The following CNDP1 variants were observed in gnomAD, a reference collection of about 807,000 sequenced individuals.
The protein encoded by CNDP1 is beta-Ala-His dipeptidase.
In CNDP1, 44 loss-of-function variants were observed where a neutral mutation model predicts 58.1. The ratio of observed to expected loss-of-function variants is 0.76; its 90% CI spans 0.60 to 0.97. The LOEUF (loss-of-function observed/expected upper bound fraction) is 0.97. Among genes scored for constraint, CNDP1 ranks in the 50% least tolerant of loss-of-function variants. CNDP1 has a pLI of 0.00. For missense variants in CNDP1, 616 were observed against 655.1 expected (o/e 0.94, Z 0.65); for synonymous variants, 254 against 252.6 (o/e 1.01, Z -0.05).
Position 74,579,182 on chromosome 18 carries a change from TC to T in CNDP1, c.1167+858del, listed in dbSNP as rs1568300926. Among the ~76,000 whole-genome samples the T allele has an allele frequency of 1.3e-3, 103 of 79,542 alleles. 1 individual carries two copies. Among genetic ancestry groups the T allele is most frequent in the South Asian group, 2.9e-3 (5 of 1,742 alleles). 52.2% of individuals were successfully genotyped at this position (79,542 alleles called of 152,430 possible). ...TCCTCCCTCTCTCCCTTCTCCCTTC[TC>T]CCTTTCCTTCCCTTCCCTTGCCTTC... On this transcript the variant is annotated intron_variant, in intron 9 of 11. Transcript: ENST00000358821.
intron 10 of CNDP1, among the ~76,000 whole-genome samples, chr18:74,580,924 A>G (rs765509922): frequency 2.6e-5 from 4 of 152,238 alleles, no homozygotes; most frequent in Non-Finnish European, 4.4e-5. Flanking sequence ...AGCTATGATC[A>G]TGCCACTGCC....
intron 8 of CNDP1, chr18:74,577,413 C>T (rs1981661656): frequency 6.3e-6 from 1 of 159,212 alleles, no homozygotes; most frequent in Non-Finnish European, 1.4e-5. Flanking sequence ...GTTCATTTTT[C>T]CAGACAAAAC....
chr18:74,560,202 C>G (rs1974964), intron 3 of CNDP1, among the ~76,000 whole-genome samples: 34,178 of 151,620 alleles, frequency 0.23, 4,145 homozygotes, highest in African/African-American at 0.31. Context: ...TTTTATTAGA[C>G]ACAGGGTTTC....
intron 5 of CNDP1, among the ~76,000 whole-genome samples, chr18:74,563,433 C>T (rs77839131): frequency 0.023 from 3,522 of 152,160 alleles, 136 homozygotes; most frequent in African/African-American, 0.08. Context: ...TAAGATTGTT[C>T]TGATAAAAAG....
intron 2 of CNDP1, 41 bp from the exon 3 acceptor site, chr18:74,559,282 T>C (rs779679980): frequency 8.7e-6 from 14 of 1,611,520 alleles, no homozygotes; most frequent in Non-Finnish European, 1.2e-5. Context: ...AGAGCAGATG[T>C]GGGACCCCAA....
intron 5 of CNDP1, 138 bp downstream of exon 5, chr18:74,562,273 T>A (rs1025898602): frequency 2.1e-4 from 150 of 728,830 alleles, no homozygotes; most frequent in South Asian, 4.8e-5. Flanking sequence ...TGTGCGACAA[T>A]GGTATCCATT....
At chr18:74,580,084 G>A (rs750078630) in intron 9 of CNDP1, 46 bp from the exon 10 acceptor site, 47 of 1,559,800 alleles carry the variant, frequency 3.0e-5, no homozygotes, top group Admixed American at 2.1e-4. Flanking sequence ...CTGTATGAGA[G>A]AATAACTTGA....
At chr18:74,579,134 C>T (rs978759989) in intron 9 of CNDP1, among the ~76,000 whole-genome samples, 2 of 150,064 alleles carry the variant, frequency 1.3e-5, no homozygotes, top group African/African-American at 2.5e-5. Flanking sequence ...TTCCTTCCTT[C>T]CCTGCCTCTC....
chr18:74,541,663 G>A lies in CNDP1; in HGVS notation c.24+6972G>A, dbSNP rs1980627284. Among the ~76,000 whole-genome samples, 2 of 152,188 alleles carry A rather than the reference G, an allele frequency of 1.3e-5. 1 individual carries two copies. The highest frequency in any genetic ancestry group is 4.1e-4 in the South Asian group (2 of 4,832). On this transcript the variant is annotated intron_variant, in intron 1 of 11. Transcript: ENST00000358821. ...GGCAGGCAGCAGCAAGGCTGGAGCAGGGGACCTGAGCCCTGAGGTCCTCCC... is the reference window on the plus strand; with the variant it reads ...GGCAGGCAGCAGCAAGGCTGGAGCAAGGGACCTGAGCCCTGAGGTCCTCCC...
At chr18:74,573,094 A>G (rs550442169) in intron 7 of CNDP1, among the ~76,000 whole-genome samples, 1 of 152,132 alleles carries the variant, frequency 6.6e-6, no homozygotes, top group South Asian at 2.1e-4. Context: ...TCCATCTATT[A>G]TCTATCCATC....
At chr18:74,579,198 C>CCCTTG (rs1190033745) in intron 9 of CNDP1, among the ~76,000 whole-genome samples, 8,003 of 110,120 alleles carry the variant, frequency 0.073, 321 homozygotes, top group Middle Eastern at 0.14. Context: ...TCCTTCCCTT[C>CCCTTG]CCTTGCCTTC....
chr18:74,560,748 AT>A, intron 3 of CNDP1, 107 bp from the exon 4 acceptor site: 1 of 1,006,088 alleles, frequency 9.9e-7, no homozygotes, highest in African/African-American at 1.6e-5. Flanking sequence ...GGAGAAACTG[AT>A]GCTCAGTTTC....
intron 1 of CNDP1, among the ~76,000 whole-genome samples, chr18:74,543,441 G>A (rs575050740): frequency 1.1e-3 from 170 of 151,972 alleles, no homozygotes; most frequent in African/African-American, 3.6e-3. Flanking sequence ...AGCAGTGAAC[G>A]ATGATCACAC....
At position 74,545,725 on chromosome 18, in the gene CNDP1, G is replaced by A. The variant is rs1980742837; in HGVS notation, c.25-10613G>A. Among the ~76,000 whole-genome samples, 1 of 152,120 alleles carries A rather than the reference G, an allele frequency of 6.6e-6. No homozygotes were observed. The highest frequency in any genetic ancestry group is 2.1e-4 in the South Asian group (1 of 4,832). On this transcript the variant is annotated intron_variant, in intron 1 of 11. Coordinates refer to ENST00000358821, the MANE Select transcript of CNDP1 (RefSeq NM_032649.6). The surrounding 1 kb of genome is among the most constrained non-coding windows in gnomAD (Gnocchi z 4.1). ...ACGTGCTGCCCCCTGAGATTGTACA[G>A]TCTCCCCTGCAGGTATTCTGTAAAT...
intron 11 of CNDP1, 79 bp downstream of exon 11, chr18:74,583,787 T>C (rs1981847996): frequency 2.2e-6 from 3 of 1,384,292 alleles, no homozygotes; most frequent in Non-Finnish European, 2.0e-6. Context: ...GGTGAGCTCC[T>C]GTTCAATTTA....
intron 2 of CNDP1, among the ~76,000 whole-genome samples, chr18:74,557,950 A>C (rs935070930): frequency 6.6e-6 from 1 of 152,042 alleles, no homozygotes; most frequent in Admixed American, 6.6e-5. Flanking sequence ...TGTGGTGGGG[A>C]TTTAATCCTG....
chr18:74,543,717 G>C (rs1048654473), intron 1 of CNDP1, among the ~76,000 whole-genome samples: 1 of 152,064 alleles, frequency 6.6e-6, no homozygotes, highest in Non-Finnish European at 1.5e-5. Flanking sequence ...AAGAAAAAAA[G>C]GGAAAAACTA....
At chr18:74,572,790 C>CAAAAAAAAAAAAAAAA (rs56059264) in intron 7 of CNDP1, among the ~76,000 whole-genome samples, 7 of 60,020 alleles carry the variant, frequency 1.2e-4, no homozygotes, top group Non-Finnish European at 2.1e-4. Context: ...GACCCTGTAT[C>CAAAAAAAAAAAAAAAA]AAAAAAAAAA....
chr18:74,567,429 TG>T lies in CNDP1; in HGVS notation c.754del (p.Glu252ArgfsTer2), dbSNP rs909957008. The stretch of plus-strand genomic sequence containing the variant: ...ACCCGGGGGAACAGCTACTTCATGG[TG>T]GAGGTATCCACAGAGAGCAGTGCAT... ...YGTRGNSYFM[V>X]EVKCRDQDFH... is the part of the protein sequence containing the mutation. On this transcript the variant is annotated frameshift_variant, in exon 6 of 12. Transcript: ENST00000358821. LOFTEE classifies it high-confidence loss of function. 2.4e-5 allele frequency: 39 copies of T among 1,613,274 alleles called. No homozygotes were observed. The highest frequency in any genetic ancestry group is 3.1e-5 in the Non-Finnish European group (37 of 1,179,430).
Sources: gnomAD v4.1 joint callset for allele counts (sites outside exome capture counted in the v4.1 genomes callset) on GRCh38, gnomAD v4.1.1 for gene constraint, Gnocchi (gnomAD v3.1) non-coding constraint, MANE v1.5 for transcripts, NCBI Gene and HGNC (gene_info 2026-07-23, HGNC 2026-07-21) for gene names.